GABPA: variants seen among roughly 807,000 people sequenced by gnomAD.
The protein encoded by GABPA is GA binding protein transcription factor subunit alpha, also known as GA-binding protein alpha chain.
GABPA carries 4 observed loss-of-function variants against 59.4 expected under a neutral mutation model. The ratio of observed to expected loss-of-function variants is 0.07; its 90% CI spans 0.03 to 0.15. The LOEUF is 0.15. Among genes scored for constraint, GABPA ranks in the 10% least tolerant of loss-of-function variants. GABPA has a pLI of 1.00. For missense variants in GABPA, 251 were observed against 543.8 expected (o/e 0.46, Z 5.36); for synonymous variants, 164 against 183.1 (o/e 0.90, Z 0.84).
chr21:25,750,501 C>T (rs1291095843), intron 4 of GABPA, among the ~76,000 whole-genome samples: 1 of 152,170 alleles, frequency 6.6e-6, no homozygotes, highest in African/African-American at 2.4e-5. Context: ...GACATAGAGT[C>T]ATCCAGTCAA....
At chr21:25,739,876 C>A (rs1047007159) in intron 1 of GABPA, among the ~76,000 whole-genome samples, 10 of 152,142 alleles carry the variant, frequency 6.6e-5, no homozygotes, top group African/African-American at 2.2e-4. Context: ...CCTCGATCTC[C>A]CAGAGTATTA....
chr21:25,764,499 A>G (rs2146099355), intron 8 of GABPA, 96 bp from the exon 9 acceptor site: 4 of 1,449,458 alleles, frequency 2.8e-6, no homozygotes, highest in South Asian at 2.5e-5. Context: ...TGTTTTTGCC[A>G]TGGCTGAGAT....
intron 9 of GABPA, among the ~76,000 whole-genome samples, chr21:25,766,208 A>C (rs1209177387): frequency 6.6e-6 from 1 of 152,006 alleles, no homozygotes; most frequent in East Asian, 1.9e-4. Flanking sequence ...GTGCTGGGAT[A>C]ATTTACTCTC....
In GABPA at chr21:25,752,591, G is replaced by T. The variant is rs190523546; in HGVS notation, c.553+357G>T. Among the ~76,000 whole-genome samples, 59 of 152,284 alleles carry T rather than the reference G, an allele frequency of 3.9e-4. 1 individual carries two copies. Among genetic ancestry groups the T allele is most frequent in the African/African-American group, 1.3e-3 (54 of 41,556 alleles). Reference sequence around the variant, plus strand: ...TTGGAATCTCAAAGAGATCATAGTTGCCCTGAGGGAAAGCTGAAAAGAGTT... The same window carrying T: ...TTGGAATCTCAAAGAGATCATAGTTTCCCTGAGGGAAAGCTGAAAAGAGTT... On this transcript the variant is annotated intron_variant, in intron 5 of 9. Coordinates refer to ENST00000400075, the MANE Select transcript of GABPA (RefSeq NM_002040.4).
chr21:25,755,127 G>C (rs1192125057), intron 5 of GABPA, among the ~76,000 whole-genome samples: 1 of 151,674 alleles, frequency 6.6e-6, no homozygotes, highest in Non-Finnish European at 1.5e-5. Context: ...ACTATATGCT[G>C]ATAAAACGAG....
intron 9 of GABPA, among the ~76,000 whole-genome samples, chr21:25,766,598 G>A (rs923998710): frequency 6.6e-6 from 1 of 151,828 alleles, no homozygotes; most frequent in Non-Finnish European, 1.5e-5. Flanking sequence ...AAAGGTGTAC[G>A]GCCTCATTAG....
chr21:25,755,543 G>T (rs1162204199), intron 5 of GABPA, among the ~76,000 whole-genome samples: 1 of 152,118 alleles, frequency 6.6e-6, no homozygotes, highest in East Asian at 1.9e-4. Flanking sequence ...GAGCATTTGG[G>T]GTAGGTGTGT....
At chr21:25,747,630 A>G (rs540980195) in intron 3 of GABPA, among the ~76,000 whole-genome samples, 1 of 152,302 alleles carries the variant, frequency 6.6e-6, no homozygotes, top group South Asian at 2.1e-4. Flanking sequence ...AAGCTGAGGG[A>G]ACAACAGCTA....
chr21:25,740,078 C>T (rs532227316), intron 1 of GABPA, among the ~76,000 whole-genome samples: 37 of 152,090 alleles, frequency 2.4e-4, no homozygotes, highest in Non-Finnish European at 4.7e-4. Flanking sequence ...CAATACAGAG[C>T]CTATATTTGG....
intron 5 of GABPA, 49 bp downstream of exon 5, chr21:25,752,283 T>A: frequency 1.9e-6 from 3 of 1,575,926 alleles, no homozygotes; most frequent in Admixed American, 1.7e-5. Flanking sequence ...GGAATTAAGC[T>A]TGACATAGAA....
chr21:25,768,873 A>T (rs1214036258), intron 9 of GABPA, 131 bp from the exon 10 acceptor site: 1 of 619,142 alleles, frequency 1.6e-6, no homozygotes, highest in African/African-American at 1.9e-5. Context: ...TATTCTACAT[A>T]GCTTCAATAT....
Position 25,769,043 on chromosome 21 carries a change from C to T in GABPA, c.1176C>T (p.Gly392=), listed in dbSNP as rs779853051. 2 of 1,613,146 alleles carry T rather than the reference C, an allele frequency of 1.2e-6. No homozygotes were observed. Among genetic ancestry groups the T allele is most frequent in the Admixed American group, 3.3e-5 (2 of 59,966 alleles). The change falls in exon 10 of 10, where the codon GGC becomes GGT. Residue 392 remains glycine (G), a synonymous_variant. Transcript: ENST00000400075. The part of the protein sequence containing the change: ...YDGDMICKVQ[G]KRFVYKFVCD... ...GGGACATGATTTGTAAAGTTCAAGG[C>T]AAGAGATTTGTGTACAAGTTTGTCT...
intron 9 of GABPA, among the ~76,000 whole-genome samples, chr21:25,767,205 T>TA (rs976085504): frequency 1.3e-4 from 20 of 151,914 alleles, no homozygotes; most frequent in African/African-American, 4.8e-4. Flanking sequence ...GGAGGGGACA[T>TA]AAAGGGGATT....
At chr21:25,743,919 C>T (rs2035291367) in intron 2 of GABPA, among the ~76,000 whole-genome samples, 1 of 151,722 alleles carries the variant, frequency 6.6e-6, no homozygotes, top group South Asian at 2.1e-4. Flanking sequence ...TGGCGCATGC[C>T]TGTAGTCCCA....
chr21:25,750,495 T>C (rs2035482884), intron 4 of GABPA, among the ~76,000 whole-genome samples: 1 of 152,210 alleles, frequency 6.6e-6, no homozygotes, highest in Non-Finnish European at 1.5e-5. Context: ...GTAATAGACA[T>C]AGAGTCATCC....
chr21:25,765,474 C>A (rs2035868531), intron 9 of GABPA, among the ~76,000 whole-genome samples: 1 of 151,934 alleles, frequency 6.6e-6, no homozygotes, highest in African/African-American at 2.4e-5. Context: ...AGCTCACACA[C>A]ACACACTCTC....
rs1294096213 is a variant in GABPA, at chr21:25,771,751, TAAAAG to T, written c.*2523_*2527del. The T allele has an allele frequency of 1.3e-5, 2 of 152,190 alleles. No individual in the cohort carries two copies. The highest frequency in any genetic ancestry group is 3.9e-4 in the East Asian group (2 of 5,192). The allele number at this position is 152,190 out of a possible 1,614,324, so 9.4% of individuals were successfully genotyped here. On this transcript the variant is annotated 3_prime_UTR_variant, in exon 10 of 10. Coordinates refer to ENST00000400075, the MANE Select transcript of GABPA (RefSeq NM_002040.4). The stretch of plus-strand genomic sequence containing the variant: ...TACCTTAGAAGTACAAGAATTTAAG[TAAAAG>T]AAATGTTCATTTTTGTTTTAAAATT...
chr21:25,744,134 C>T (rs1215776521), intron 2 of GABPA, among the ~76,000 whole-genome samples: 2 of 145,782 alleles, frequency 1.4e-5, no homozygotes, highest in African/African-American at 5.1e-5. Flanking sequence ...TAACAAATAA[C>T]AATAGTAGAC....
At chr21:25,761,939 C>T (rs745765464) in intron 6 of GABPA, among the ~76,000 whole-genome samples, 2 of 151,996 alleles carry the variant, frequency 1.3e-5, no homozygotes, top group Non-Finnish European at 2.9e-5. Flanking sequence ...AGATACGTAC[C>T]TAAATAATTT....
Sources: allele counts gnomAD v4.1 joint callset (sites outside exome capture counted in the v4.1 genomes callset), GRCh38; gene constraint gnomAD v4.1.1; transcripts MANE v1.5; gene names NCBI Gene and HGNC (gene_info 2026-07-23, HGNC 2026-07-21).